The following JCAD variants were observed in gnomAD, a reference collection of about 807,000 sequenced individuals.
The protein encoded by JCAD is junctional cadherin 5 associated.
A neutral mutation model predicts 98.0 loss-of-function variants in JCAD; 40 were observed. That is an observed-to-expected ratio of 0.41 (90% CI 0.32 to 0.53). JCAD has a LOEUF of 0.53. Among genes scored for constraint, JCAD ranks in the 20% least tolerant of loss-of-function variants. The pLI, the probability that JCAD is intolerant of heterozygous loss-of-function variation, is 0.31. For synonymous variants in JCAD, 691 were observed against 682.3 expected (o/e 1.01, Z -0.20); for missense variants, 1,705 against 1,738.1 (o/e 0.98, Z 0.34).
chr10:30,022,737 C>G (rs1264192187), intron 3 of JCAD, among the ~76,000 whole-genome samples: 1 of 152,156 alleles, frequency 6.6e-6, no homozygotes, highest in Admixed American at 6.5e-5. Flanking sequence ...CAATGACGGG[C>G]CACATAGATG....
intron 2 of JCAD, among the ~76,000 whole-genome samples, chr10:30,067,814 G>A (rs115402955): frequency 0.046 from 6,952 of 152,162 alleles, 438 homozygotes; most frequent in African/African-American, 0.14. Context: ...TCATTGTTGT[G>A]CAAACATCCT....
At chr10:30,074,684 G>C (rs1051243913) in intron 1 of JCAD, among the ~76,000 whole-genome samples, 2 of 152,236 alleles carry the variant, frequency 1.3e-5, no homozygotes, top group Non-Finnish European at 2.9e-5. Flanking sequence ...AGTGGTAAAG[G>C]AGACCATGAG....
chr10:30,027,368 G>A lies in JCAD; in HGVS notation c.2780C>T (p.Ala927Val), dbSNP rs373707873. 5 of 1,609,698 alleles carry A rather than the reference G, an allele frequency of 3.1e-6. No homozygotes were observed. The highest frequency in any genetic ancestry group is 4.2e-6 in the Non-Finnish European group (5 of 1,180,006). The change falls in exon 3 of 4, where the codon GCC becomes GTC. Residue 927 changes from alanine to valine, a missense_variant. Around this residue, in one of 3 missense-constraint regions of JCAD, gnomAD observed 1,278 missense variants for 1,243.1 expected, o/e 1.03. Transcript: ENST00000375377. ...SEELQPGHPR[A>V]WPPSPGRFRV... is the part of the protein sequence containing the mutation. ...AAAGCGGCCCGGGGATGGAGGCCAG[G>A]CACGTGGGTGGCCAGGCTGCAGCTC...
intron 2 of JCAD, among the ~76,000 whole-genome samples, chr10:30,042,523 C>T (rs1358791653): frequency 2.0e-5 from 3 of 152,106 alleles, no homozygotes; most frequent in Non-Finnish European, 4.4e-5. Flanking sequence ...GAGTCTAAGT[C>T]TCTGCCAGCC....
At chr10:30,055,600 C>G (rs997938139) in intron 1 of JCAD, among the ~76,000 whole-genome samples, 1 of 152,204 alleles carries the variant, frequency 6.6e-6, no homozygotes, top group Non-Finnish European at 1.5e-5. Context: ...TGTTACCATA[C>G]CACACGTGTG....
intron 1 of JCAD, among the ~76,000 whole-genome samples, chr10:30,103,107 A>G (rs1358246122): frequency 6.6e-6 from 1 of 152,130 alleles, no homozygotes; most frequent in African/African-American, 2.4e-5. Context: ...ACATCCTCCC[A>G]GTTCATATTG....
chr10:30,105,078 G>A (rs945975423), intron 1 of JCAD, among the ~76,000 whole-genome samples: 1 of 152,170 alleles, frequency 6.6e-6, no homozygotes, highest in Non-Finnish European at 1.5e-5. Context: ...AAAGAGGCAG[G>A]TTGTAGGAAC....
Position 30,017,918 on chromosome 10 carries a change from C to T in JCAD, c.4046-1G>A. The T allele has an allele frequency of 1.2e-6, 2 of 1,609,882 alleles. No homozygotes were observed. Among genetic ancestry groups the T allele is most frequent in the Non-Finnish European group, 1.7e-6 (2 of 1,177,692 alleles). ...TCCACTCTGCTAGGGTCATAGGAAT[C>T]TGTAAAATAAGAAAAGAAAAGAAAA... On this transcript the variant is annotated splice_acceptor_variant, in intron 3 of 3. Coordinates refer to ENST00000375377, the MANE Select transcript of JCAD (RefSeq NM_020848.4). LOFTEE classifies it high-confidence loss of function.
chr10:30,045,073 C>T (rs1456214963), intron 2 of JCAD, among the ~76,000 whole-genome samples: 1 of 152,188 alleles, frequency 6.6e-6, no homozygotes, highest in African/African-American at 2.4e-5. Context: ...CTACACAAAG[C>T]CACTTATCTG....
chr10:30,083,095 A>T (rs571620963), intron 1 of JCAD, among the ~76,000 whole-genome samples: 15 of 152,272 alleles, frequency 9.9e-5, no homozygotes, highest in Non-Finnish European at 1.9e-4. Context: ...TTGGAATTAA[A>T]TGGTGCAAAT....
Position 30,041,284 on chromosome 10 carries a change from T to C in JCAD, c.281+6248A>G, listed in dbSNP as rs114126025. 3.8e-3 allele frequency among the ~76,000 whole-genome samples: 575 copies of C among 152,104 alleles called. 3 individuals are homozygous for C. Among genetic ancestry groups the C allele is most frequent in the African/African-American group, 0.013 (532 of 41,482 alleles). On this transcript the variant is annotated intron_variant, in intron 2 of 3. Coordinates refer to ENST00000375377, the MANE Select transcript of JCAD (RefSeq NM_020848.4). Reference sequence around the variant, plus strand: ...CTGGTGTTCATGAGCATGCCAGCCCTCAAGAAAGAGAGGCTTTGCCTCGTA... The same window carrying C: ...CTGGTGTTCATGAGCATGCCAGCCCCCAAGAAAGAGAGGCTTTGCCTCGTA...
At chr10:30,034,901 A>G (rs1377402839) in intron 2 of JCAD, among the ~76,000 whole-genome samples, 4 of 152,202 alleles carry the variant, frequency 2.6e-5, no homozygotes, top group African/African-American at 9.7e-5. Context: ...TTTGCATCAG[A>G]AACAATCTAC....
intron 1 of JCAD, among the ~76,000 whole-genome samples, chr10:30,070,238 T>C (rs1343822800): frequency 6.6e-6 from 1 of 152,196 alleles, no homozygotes; most frequent in Non-Finnish European, 1.5e-5. Context: ...GCCAGTGTCT[T>C]ATCTAGCTGG....
intron 1 of JCAD, among the ~76,000 whole-genome samples, chr10:30,100,875 A>G (rs866254811): frequency 7.2e-5 from 11 of 152,354 alleles, no homozygotes; most frequent in African/African-American, 1.2e-4. Flanking sequence ...ACATCAGTCA[A>G]TACTTGTAAG....
At chr10:30,045,557 G>GA in intron 2 of JCAD, among the ~76,000 whole-genome samples, 1 of 152,170 alleles carries the variant, frequency 6.6e-6, no homozygotes, top group Middle Eastern at 3.4e-3. Context: ...AAAACTAAAT[G>GA]AAAAAACAAA....
At chr10:30,022,557 T>A (rs946066178) in intron 3 of JCAD, among the ~76,000 whole-genome samples, 2 of 152,224 alleles carry the variant, frequency 1.3e-5, no homozygotes, top group Admixed American at 6.5e-5. Context: ...ACTACCTCCA[T>A]CATATGACCT....
intron 2 of JCAD, among the ~76,000 whole-genome samples, chr10:30,038,742 AGAG>A (rs1470420605): frequency 6.6e-6 from 1 of 151,758 alleles, no homozygotes; most frequent in Non-Finnish European, 1.5e-5. Flanking sequence ...GAAAGAGAGA[AGAG>A]AGAAGAGAGA....
At chr10:30,039,799 A>G (rs1453647309) in intron 2 of JCAD, among the ~76,000 whole-genome samples, 1 of 151,902 alleles carries the variant, frequency 6.6e-6, no homozygotes, top group Admixed American at 6.6e-5. Flanking sequence ...TTTAAAGGCC[A>G]ACACCACGGC....
rs768103421 is a variant in JCAD at position 30,029,598 on chromosome 10, C to T, written c.550G>A (p.Val184Ile). ...GGCTGGTTCCAGCTTTCCAGGCTGA[C>T]GTTCTGCCACTTGGCAGGACCTGAC... is the stretch of plus-strand genomic sequence containing the variant. ...RMSGPAKWQN[V>I]SLESWNQPRK... Residue 184 changes from valine to isoleucine, a missense_variant, in exon 3 of 4, where the codon GTC becomes ATC. This residue lies in a region of JCAD where 275 missense variants were observed against 346.9 expected (regional missense o/e 0.79). Transcript: ENST00000375377. 13 of 1,614,112 alleles carry T rather than the reference C, an allele frequency of 8.1e-6. No homozygotes were observed. Among genetic ancestry groups the T allele is most frequent in the Admixed American group, 1.7e-5 (1 of 60,002 alleles).
Sources: allele counts gnomAD v4.1 joint callset (sites outside exome capture counted in the v4.1 genomes callset), GRCh38; gene constraint gnomAD v4.1.1; regional missense constraint gnomAD v4.1.1; transcripts MANE v1.5; gene names NCBI Gene and HGNC (gene_info 2026-07-23, HGNC 2026-07-21).